Variants in NXPE3 observed in about 807,000 individuals in gnomAD.
NXPE3 encodes NXPE family member 3.
A neutral mutation model predicts 46.1 loss-of-function variants in NXPE3; 26 were observed. That is an observed-to-expected ratio of 0.56 (90% CI 0.41 to 0.78). The LOEUF (loss-of-function observed/expected upper bound fraction) is 0.78, where lower values mean the gene tolerates loss of function less well. NXPE3 is among the 30% of genes least tolerant of loss of function. The pLI, the probability that NXPE3 is intolerant of heterozygous loss-of-function variation, is 0.00. For missense variants in NXPE3, 620 were observed against 686.0 expected (o/e 0.90, Z 1.07); for synonymous variants, 272 against 257.9 (o/e 1.05, Z -0.52).
At chr3:101,816,595 A>G (rs1051112535) in intron 6 of NXPE3, among the ~76,000 whole-genome samples, 200 bp from the exon 7 acceptor site, 2 of 152,182 alleles carry the variant, frequency 1.3e-5, no homozygotes, top group African/African-American at 4.8e-5. Flanking sequence ...TGCAAAGGAC[A>G]TGAACTCATT....
intron 7 of NXPE3, among the ~76,000 whole-genome samples, chr3:101,818,594 A>G (rs1175513478): frequency 1.3e-5 from 2 of 151,324 alleles, no homozygotes; most frequent in Non-Finnish European, 2.9e-5. Context: ...TTGAGATTTT[A>G]TTCAGTTAAA....
At chr3:101,818,715 TTATA>T (rs61602305) in intron 7 of NXPE3, among the ~76,000 whole-genome samples, 1,250 of 37,928 alleles carry the variant, frequency 0.033, 23 homozygotes, top group African/African-American at 0.038. Context: ...ATATGACAAT[TTATA>T]TATATATATA....
intron 4 of NXPE3, among the ~76,000 whole-genome samples, chr3:101,787,350 A>G (rs1040070518): frequency 1.3e-5 from 2 of 152,136 alleles, no homozygotes; most frequent in African/African-American, 4.8e-5. Flanking sequence ...TCTGTTGCCC[A>G]GGCTGGAGTG....
intron 5 of NXPE3, among the ~76,000 whole-genome samples, chr3:101,806,224 C>T (rs1941411626): frequency 6.6e-6 from 1 of 152,174 alleles, no homozygotes; most frequent in East Asian, 1.9e-4. Flanking sequence ...TAAAAAATGA[C>T]TGCACATTCC....
At chr3:101,797,454 A>G (rs1253340523) in intron 4 of NXPE3, among the ~76,000 whole-genome samples, 47 of 132,056 alleles carry the variant, frequency 3.6e-4, no homozygotes, top group South Asian at 1.5e-3. Flanking sequence ...TTTAAGTTTT[A>G]GGGTACATGT....
chr3:101,784,522 A>G (rs908795983), intron 3 of NXPE3, among the ~76,000 whole-genome samples: 13 of 152,122 alleles, frequency 8.5e-5, no homozygotes, highest in African/African-American at 3.1e-4. Flanking sequence ...CAGCTGAGTT[A>G]TTCTGAGATA....
chr3:101,779,607 C>CGGCGGGGGG (rs1560030710), intron 1 of NXPE3: 1 of 147,722 alleles, frequency 6.8e-6, no homozygotes, highest in East Asian at 2.2e-4. Context: ...AGGCTAGTAC[C>CGGCGGGGGG]GGCGGGGCGG....
At chr3:101,817,027 A>G (rs908544648) in intron 7 of NXPE3, 26 bp downstream of exon 7, 2 of 1,592,092 alleles carry the variant, frequency 1.3e-6, no homozygotes, top group Non-Finnish European at 1.7e-6. Context: ...TTTGTTTCGT[A>G]ACTCTTTCCC....
rs1211870518 is a variant in NXPE3, at chr3:101,824,101, T to C, written c.*2147T>C. The C allele has an allele frequency of 1.2e-5, 1 of 85,598 alleles. No individual in the cohort carries two copies. Among genetic ancestry groups the C allele is most frequent in the Non-Finnish European group, 2.4e-5 (1 of 42,366 alleles). 5.3% of individuals were successfully genotyped at this position (85,598 alleles called of 1,614,324 possible). ...GGGCAACAGGGCAAGACCCTGTCTCTAAAAAAAAAAAAAAAAAAAAAAGAG... is the reference window on the plus strand; with the variant it reads ...GGGCAACAGGGCAAGACCCTGTCTCCAAAAAAAAAAAAAAAAAAAAAAGAG... On this transcript the variant is annotated 3_prime_UTR_variant, in exon 8 of 8. Transcript: ENST00000273347.
rs535478745 is a variant in NXPE3 at position 101,825,325 on chromosome 3, G to A, written c.*3371G>A. 16 of 152,228 alleles carry A rather than the reference G, an allele frequency of 1.1e-4. No homozygotes were observed. The highest frequency in any genetic ancestry group is 7.2e-4 in the Admixed American group (11 of 15,306). The allele number at this position is 152,228 out of a possible 1,614,324, so 9.4% of individuals were successfully genotyped here. A position where few individuals can be genotyped will look rare whatever the true frequency, so the allele number is the denominator to read the frequency against. On this transcript the variant is annotated 3_prime_UTR_variant, in exon 8 of 8. Coordinates refer to ENST00000273347, the MANE Select transcript of NXPE3 (RefSeq NM_145037.4). ...ATAGAGATTCCAATATCACTTAAAC[G>A]TTTCCCAGAATATTTAGATAGAATA...
In NXPE3 at chr3:101,825,220, A is replaced by C. The variant is rs760412854; in HGVS notation, c.*3266A>C. On this transcript the variant is annotated 3_prime_UTR_variant, in exon 8 of 8. Coordinates refer to ENST00000273347, the MANE Select transcript of NXPE3 (RefSeq NM_145037.4). ...CTTTATGTGTCCATGTGTTCTCATCATTTAGCTCTCACTTATCAGTGAGAA... is the reference window on the plus strand; with the variant it reads ...CTTTATGTGTCCATGTGTTCTCATCCTTTAGCTCTCACTTATCAGTGAGAA... The C allele has an allele frequency of 2.0e-5, 3 of 152,110 alleles. No homozygotes were observed. The highest frequency in any genetic ancestry group is 4.4e-5 in the Non-Finnish European group (3 of 68,024). 9.4% of individuals were successfully genotyped at this position (152,110 alleles called of 1,614,324 possible).
chr3:101,791,937 A>T (rs1447902847), intron 4 of NXPE3, among the ~76,000 whole-genome samples: 1 of 152,162 alleles, frequency 6.6e-6, no homozygotes, highest in Non-Finnish European at 1.5e-5. Context: ...TTCCTCTTCA[A>T]CATTGCCAGC....
intron 1 of NXPE3, among the ~76,000 whole-genome samples, chr3:101,780,808 C>G (rs1221538648): frequency 6.6e-6 from 1 of 152,202 alleles, no homozygotes; most frequent in Non-Finnish European, 1.5e-5. Flanking sequence ...ACATGGGGCC[C>G]TGCTTTGGAA....
At chr3:101,789,734 T>C (rs1034826677) in intron 4 of NXPE3, among the ~76,000 whole-genome samples, 1 of 152,068 alleles carries the variant, frequency 6.6e-6, no homozygotes, top group African/African-American at 2.4e-5. Context: ...CTCTGTCACC[T>C]AGGCTGGAGT....
chr3:101,781,182 C>T (rs1186653447), intron 1 of NXPE3, among the ~76,000 whole-genome samples: 1 of 152,212 alleles, frequency 6.6e-6, no homozygotes, highest in Non-Finnish European at 1.5e-5. Flanking sequence ...CAGACACTTG[C>T]TGTGACTAGT....
Position 101,828,009 on chromosome 3 carries a change from A to C in NXPE3, c.*6055A>C, listed in dbSNP as rs1355089407. The C allele has an allele frequency of 6.6e-6, 1 of 152,248 alleles. No homozygotes were observed. The highest frequency in any genetic ancestry group is 1.5e-5 in the Non-Finnish European group (1 of 68,050). The allele number at this position is 152,248 out of a possible 1,614,324, so 9.4% of individuals were successfully genotyped here. On this transcript the variant is annotated 3_prime_UTR_variant, in exon 8 of 8. Coordinates refer to ENST00000273347, the MANE Select transcript of NXPE3 (RefSeq NM_145037.4). Reference sequence around the variant, plus strand: ...GCTGGCCTCCTCTTGCCACGAGGTCAGACGGCGAGTTCTTAGAGAAAAAGG... The same window carrying C: ...GCTGGCCTCCTCTTGCCACGAGGTCCGACGGCGAGTTCTTAGAGAAAAAGG...
rs1560050368 is a variant in NXPE3 at position 101,801,624 on chromosome 3, GGT to G, written c.485_486del (p.Val162GlyfsTer20). On this transcript the variant is annotated frameshift_variant, in exon 5 of 8. Transcript: ENST00000273347. LOFTEE classifies it high-confidence loss of function. ...KLQAGAVGRV[V>X]DYQNGFYKVF... Reference sequence around the variant, plus strand: ...TGCAGGCTGGGGCTGTGGGCAGGGTGGTGGATTACCAGAATGGGTTTTACAAG... The same window carrying G: ...TGCAGGCTGGGGCTGTGGGCAGGGTGGGATTACCAGAATGGGTTTTACAAG... The G allele has an allele frequency of 6.2e-7, 1 of 1,614,162 alleles. No homozygotes were observed. The highest frequency in any genetic ancestry group is 8.5e-7 in the Non-Finnish European group (1 of 1,180,024).
intron 6 of NXPE3, among the ~76,000 whole-genome samples, chr3:101,813,013 G>T (rs1466328377): frequency 6.6e-6 from 1 of 151,986 alleles, no homozygotes; most frequent in Non-Finnish European, 1.5e-5. Flanking sequence ...GGAATTCAAG[G>T]AGTAAACTCA....
intron 6 of NXPE3, among the ~76,000 whole-genome samples, chr3:101,812,685 G>A (rs182288625): frequency 6.6e-6 from 1 of 151,566 alleles, no homozygotes; most frequent in Non-Finnish European, 1.5e-5. Context: ...GGTGGCAGGC[G>A]CCTGTAGTCC....
Sources: allele counts gnomAD v4.1 joint callset (sites outside exome capture counted in the v4.1 genomes callset), GRCh38; gene constraint gnomAD v4.1.1; transcripts MANE v1.5; gene names NCBI Gene and HGNC (gene_info 2026-07-23, HGNC 2026-07-21).